The following MLLT3 variants were observed in gnomAD, a reference collection of about 807,000 sequenced individuals.
The protein encoded by MLLT3 is protein AF-9.
A neutral mutation model predicts 53.2 loss-of-function variants in MLLT3; 4 were observed. That is an observed-to-expected ratio of 0.08 (90% confidence interval 0.04 to 0.17). The LOEUF (loss-of-function observed/expected upper bound fraction) is 0.17, where lower values mean the gene tolerates loss of function less well. Ranked by LOEUF, MLLT3 falls within the 10% of genes least tolerant of loss-of-function variation. MLLT3 has a pLI of 1.00. For synonymous variants in MLLT3, 283 were observed against 230.6 expected, an observed-to-expected ratio of 1.23 and a Z score of -2.06; for missense variants, 569 against 684.0, an observed-to-expected ratio of 0.83 and a Z score of 1.87.
intron 2 of MLLT3, among the ~76,000 whole-genome samples, chr9:20,549,860 T>C (rs1477644672): frequency 6.6e-6 from 1 of 152,226 alleles, no homozygotes; most frequent in Non-Finnish European, 1.5e-5. Context: ...ATCTCTCTTC[T>C]TAGCACATGC....
At chr9:20,379,473 C>T (rs1467712253) in intron 5 of MLLT3, among the ~76,000 whole-genome samples, 1 of 152,010 alleles carries the variant, frequency 6.6e-6, no homozygotes, top group Non-Finnish European at 1.5e-5. Flanking sequence ...TGAATTTTCT[C>T]TAGCCCTAAA....
chr9:20,468,217 T>C (rs913704275), intron 2 of MLLT3, among the ~76,000 whole-genome samples: 1 of 152,228 alleles, frequency 6.6e-6, no homozygotes, highest in African/African-American at 2.4e-5. Flanking sequence ...AGTAGTCAAA[T>C]GCAAGCCATA....
chr9:20,492,663 G>C (rs1383017582), intron 2 of MLLT3, among the ~76,000 whole-genome samples: 1 of 151,782 alleles, frequency 6.6e-6, no homozygotes, highest in East Asian at 1.9e-4. Context: ...GCACAAAATA[G>C]TTACTCAAGA....
At chr9:20,507,010 C>G (rs1313836574) in intron 2 of MLLT3, among the ~76,000 whole-genome samples, 1 of 152,208 alleles carries the variant, frequency 6.6e-6, no homozygotes, top group Non-Finnish European at 1.5e-5. Context: ...CAAATCAACA[C>G]TTACTATTCA....
rs965176604 is a variant in MLLT3, at chr9:20,346,195, G to A, written c.*248C>T. 2.6e-6 allele frequency: 1 copy of A among 383,372 alleles called. No individual in the cohort carries two copies. The highest frequency in any genetic ancestry group is 4.3e-5 in the Admixed American group (1 of 23,344). The allele number at this position is 383,372 out of a possible 1,614,324, so 23.7% of individuals were successfully genotyped here. A position where few individuals can be genotyped will look rare whatever the true frequency, so the allele number is the denominator to read the frequency against. Reference sequence around the variant, plus strand: ...AGGCTATCCAGGCTAACTCTTCCCGGGGATTTCCTTGGAGAGAAGAGTGGT... The same window carrying A: ...AGGCTATCCAGGCTAACTCTTCCCGAGGATTTCCTTGGAGAGAAGAGTGGT... On this transcript the variant is annotated 3_prime_UTR_variant, in exon 11 of 11. Coordinates refer to ENST00000380338, the MANE Select transcript of MLLT3 (RefSeq NM_004529.4).
chr9:20,566,866 C>T (rs746020566), intron 2 of MLLT3, among the ~76,000 whole-genome samples: 1 of 152,140 alleles, frequency 6.6e-6, no homozygotes. Context: ...GGTTAGCCAG[C>T]ACAAGGATAC....
At chr9:20,427,634 C>A (rs1823169212) in intron 4 of MLLT3, among the ~76,000 whole-genome samples, 1 of 151,506 alleles carries the variant, frequency 6.6e-6, no homozygotes, top group Non-Finnish European at 1.5e-5. Flanking sequence ...GGAATTTAAT[C>A]CTAGACACAT....
chr9:20,423,111 G>C (rs1185770579), intron 4 of MLLT3, among the ~76,000 whole-genome samples: 1 of 152,140 alleles, frequency 6.6e-6, no homozygotes, highest in Non-Finnish European at 1.5e-5. Context: ...AGGCTGGAGT[G>C]CAGTGACCTT....
rs181805159 is a variant in MLLT3 at position 20,430,072 on chromosome 9, T to C, written c.421-15647A>G. 5.0e-3 allele frequency among the ~76,000 whole-genome samples: 766 copies of C among 152,280 alleles called. 12 individuals are homozygous for C. Among genetic ancestry groups the C allele is most frequent in the African/African-American group, 0.018 (728 of 41,562 alleles). On this transcript the variant is annotated intron_variant, in intron 4 of 10. Transcript: ENST00000380338. ...GTCATATCAATATCCTAAGGTAGAC[T>C]GCATATTTACACATCAGGAACAAAC...
At chr9:20,476,244 ACT>A (rs1563776845) in intron 2 of MLLT3, among the ~76,000 whole-genome samples, 1 of 151,966 alleles carries the variant, frequency 6.6e-6, no homozygotes, top group Non-Finnish European at 1.5e-5. Context: ...CAATGCATAC[ACT>A]CTTCAGATTT....
At chr9:20,547,410 G>A (rs1329246947) in intron 2 of MLLT3, among the ~76,000 whole-genome samples, 4 of 151,854 alleles carry the variant, frequency 2.6e-5, no homozygotes, top group African/African-American at 7.3e-5. Context: ...CTGGGAGGCC[G>A]AGGTGGGTGG....
chr9:20,416,057 A>G (rs1055003304), intron 4 of MLLT3, among the ~76,000 whole-genome samples: 1 of 151,982 alleles, frequency 6.6e-6, no homozygotes, highest in African/African-American at 2.4e-5. Context: ...ATTTAAAAGG[A>G]AAATTCTAAA....
intron 4 of MLLT3, among the ~76,000 whole-genome samples, chr9:20,442,687 T>C (rs990568439): frequency 2.0e-5 from 3 of 152,172 alleles, no homozygotes; most frequent in Admixed American, 6.6e-5. Flanking sequence ...AAGATCCTTT[T>C]GGCCCTTTAA....
chr9:20,576,955 A>C (rs1049128728), intron 2 of MLLT3, among the ~76,000 whole-genome samples: 1 of 152,156 alleles, frequency 6.6e-6, no homozygotes, highest in Non-Finnish European at 1.5e-5. Flanking sequence ...AGTCTGGGCA[A>C]TATAGTGAGA....
intron 2 of MLLT3, among the ~76,000 whole-genome samples, chr9:20,462,869 T>G (rs907172279): frequency 5.3e-5 from 8 of 151,834 alleles, no homozygotes; most frequent in African/African-American, 1.9e-4. Context: ...AGACTGACAG[T>G]TGAGGATAAA....
intron 2 of MLLT3, among the ~76,000 whole-genome samples, chr9:20,533,853 T>A (rs1311439267): frequency 6.6e-6 from 1 of 152,132 alleles, no homozygotes; most frequent in African/African-American, 2.4e-5. Context: ...GCTGAAGTCA[T>A]AGAAGCAAAG....
chr9:20,607,860 T>C (rs1398312073), intron 2 of MLLT3, among the ~76,000 whole-genome samples: 2 of 152,012 alleles, frequency 1.3e-5, no homozygotes, highest in Non-Finnish European at 2.9e-5. Flanking sequence ...TTTGCGGAAA[T>C]CATTTTTAGT....
Position 20,343,634 on chromosome 9 carries a change from C to T in MLLT3, c.*2809G>A, listed in dbSNP as rs1320476665. 1 of 228,226 alleles carries T rather than the reference C, an allele frequency of 4.4e-6. No individual in the cohort carries two copies. The highest frequency in any genetic ancestry group is 8.7e-6 in the Non-Finnish European group (1 of 114,938). 14.1% of individuals were successfully genotyped at this position (228,226 alleles called of 1,614,324 possible). Reference sequence around the variant, plus strand: ...ATATATTTTTTCCCCTGGCTGATCACTGAGGAAAAATTTTTTAAAAGTTTA... The same window carrying T: ...ATATATTTTTTCCCCTGGCTGATCATTGAGGAAAAATTTTTTAAAAGTTTA... On this transcript the variant is annotated 3_prime_UTR_variant, in exon 11 of 11. Coordinates refer to ENST00000380338, the MANE Select transcript of MLLT3 (RefSeq NM_004529.4).
intron 2 of MLLT3, among the ~76,000 whole-genome samples, chr9:20,464,147 G>A (rs550692109): frequency 2.6e-5 from 4 of 151,166 alleles, no homozygotes; most frequent in East Asian, 1.9e-4. Context: ...ACTTCTGGCC[G>A]AGCCATTGCT....
Sources: gnomAD v4.1 joint callset for allele counts (sites outside exome capture counted in the v4.1 genomes callset) on GRCh38, gnomAD v4.1.1 for gene constraint, MANE v1.5 for transcripts, NCBI Gene and HGNC (gene_info 2026-07-23, HGNC 2026-07-21) for gene names.